OPCML: variants seen among roughly 807,000 people sequenced by gnomAD.
OPCML encodes the protein opioid binding protein/cell adhesion molecule like.
OPCML carries 13 observed loss-of-function variants against 37.8 expected under a neutral mutation model. The observed-to-expected ratio is 0.34, with a 90% confidence interval of 0.22 to 0.55. The LOEUF (loss-of-function observed/expected upper bound fraction) is 0.55. OPCML is among the 20% of genes least tolerant of loss of function. OPCML has a pLI of 0.91. For synonymous variants in OPCML, 176 were observed against 168.8 expected, an observed-to-expected ratio of 1.04 and a Z score of -0.33; for missense variants, 341 against 435.6, an observed-to-expected ratio of 0.78 and a Z score of 1.93.
chr11:133,488,217 C>T lies in OPCML; in HGVS notation c.61+44047G>A, dbSNP rs76592991. Among the ~76,000 whole-genome samples the T allele has an allele frequency of 4.6e-5, 7 of 152,028 alleles. No individual in the cohort carries two copies. In the East Asian group the frequency reaches 1.2e-3, roughly 25 times the overall value. The stretch of plus-strand genomic sequence containing the variant: ...AAGAAATGGAACAAGACAAAGATAC[C>T]CACTTTTATCATTTCTATTCTCCAT... On this transcript the variant is annotated intron_variant, in intron 1 of 7. Transcript: ENST00000524381.
intron 2 of OPCML, among the ~76,000 whole-genome samples, chr11:132,830,572 G>A (rs374518208): frequency 1.3e-5 from 2 of 152,102 alleles, no homozygotes; most frequent in African/African-American, 4.8e-5. Flanking sequence ...TCTTTCCTCT[G>A]CAAATATCAG....
intron 1 of OPCML, among the ~76,000 whole-genome samples, chr11:132,955,366 C>T (rs1945954738): frequency 6.6e-6 from 1 of 152,048 alleles, no homozygotes; most frequent in Admixed American, 6.6e-5. Flanking sequence ...CCTCTCTGGA[C>T]CCATTCAGAT....
chr11:132,515,216 C>T (rs912412986), intron 4 of OPCML, among the ~76,000 whole-genome samples: 1 of 152,016 alleles, frequency 6.6e-6, no homozygotes, highest in Non-Finnish European at 1.5e-5. Context: ...TTTCAGCACC[C>T]CAGGAGGATT....
intron 2 of OPCML, among the ~76,000 whole-genome samples, chr11:132,922,672 C>T (rs1224937619): frequency 6.6e-6 from 1 of 152,108 alleles, no homozygotes; most frequent in Non-Finnish European, 1.5e-5. Context: ...GTTTTTGGTA[C>T]ATTTTAACAA....
chr11:132,563,792 A>T (rs1393596698), intron 3 of OPCML, among the ~76,000 whole-genome samples: 2 of 143,664 alleles, frequency 1.4e-5, no homozygotes, highest in Non-Finnish European at 3.0e-5. Context: ...TTAAAAAAAC[A>T]ACGAAAACAA....
At chr11:132,669,499 G>T (rs1942365589) in intron 2 of OPCML, among the ~76,000 whole-genome samples, 1 of 152,138 alleles carries the variant, frequency 6.6e-6, no homozygotes, top group Non-Finnish European at 1.5e-5. Context: ...TCAGTAATGG[G>T]GCTGCATCTT....
At chr11:133,283,096 G>C (rs1942203248) in intron 1 of OPCML, among the ~76,000 whole-genome samples, 1 of 152,162 alleles carries the variant, frequency 6.6e-6, no homozygotes, top group African/African-American at 2.4e-5. Context: ...GGACTGTTGG[G>C]AAGAGGTGAC....
At position 132,863,618 on chromosome 11, in the gene OPCML, G is replaced by A. The variant is rs542385570; in HGVS notation, c.146+79308C>T. Among the ~76,000 whole-genome samples the A allele has an allele frequency of 9.9e-5, 15 of 152,262 alleles. No individual in the cohort carries two copies. The South Asian group carries it at 3.1e-3, about 32-fold the overall frequency. ...TCAGAACACGTTTTCTCCAAAGTCG[G>A]CCATCCAACCTAAAACTATGACTCT... On this transcript the variant is annotated intron_variant, in intron 2 of 7. Coordinates refer to ENST00000524381, the MANE Select transcript of OPCML (RefSeq NM_001012393.5).
intron 1 of OPCML, among the ~76,000 whole-genome samples, chr11:133,235,367 A>G (rs1940466730): frequency 6.6e-6 from 1 of 152,142 alleles, no homozygotes; most frequent in East Asian, 1.9e-4. Flanking sequence ...GAGGCAGTTG[A>G]TTATTTATGT....
chr11:132,676,977 A>T (rs1942739351), intron 2 of OPCML, among the ~76,000 whole-genome samples: 1 of 152,064 alleles, frequency 6.6e-6, no homozygotes, highest in Non-Finnish European at 1.5e-5. Flanking sequence ...CACATTTGAT[A>T]TAATCATCTA....
intron 1 of OPCML, among the ~76,000 whole-genome samples, chr11:133,154,942 T>A (rs1366403066): frequency 6.6e-6 from 1 of 152,212 alleles, no homozygotes; most frequent in African/African-American, 2.4e-5. Context: ...GCTTGTGTCT[T>A]TCCAGAAGAG....
intron 2 of OPCML, among the ~76,000 whole-genome samples, chr11:132,782,910 A>T (rs61906870): frequency 1.7e-5 from 2 of 115,440 alleles, no homozygotes; most frequent in East Asian, 2.2e-4. Context: ...ATATATATAT[A>T]GTGTGTGTAT....
chr11:132,770,681 A>G (rs781213799), intron 2 of OPCML, among the ~76,000 whole-genome samples: 10 of 152,072 alleles, frequency 6.6e-5, no homozygotes, highest in Admixed American at 2.6e-4. Context: ...TCTGCTCCTC[A>G]TTGTGCCATT....
At chr11:133,008,271 A>G (rs749545062) in intron 1 of OPCML, 61 of 985,326 alleles carry the variant, frequency 6.2e-5, no homozygotes, top group Non-Finnish European at 7.0e-5. Context: ...GGTGAATCAT[A>G]GAGAGTTGAC....
At chr11:133,308,038 A>G (rs1942970992) in intron 1 of OPCML, among the ~76,000 whole-genome samples, 1 of 152,186 alleles carries the variant, frequency 6.6e-6, no homozygotes, top group Admixed American at 6.5e-5. Context: ...CAGATTGTGA[A>G]GAACTTTATA....
At chr11:132,994,391 A>G (rs926170530) in intron 1 of OPCML, among the ~76,000 whole-genome samples, 1 of 152,172 alleles carries the variant, frequency 6.6e-6, no homozygotes, top group Admixed American at 6.5e-5. Flanking sequence ...CCTAGGAGAG[A>G]AGAGGGAAGG....
intron 1 of OPCML, among the ~76,000 whole-genome samples, chr11:133,512,235 G>A (rs949767965): frequency 6.6e-6 from 1 of 152,198 alleles, no homozygotes; most frequent in East Asian, 1.9e-4. Context: ...TTTGATTAGC[G>A]TTCTAGATTC....
intron 2 of OPCML, among the ~76,000 whole-genome samples, chr11:132,708,938 C>A (rs1257960323): frequency 2.0e-5 from 3 of 152,224 alleles, no homozygotes; most frequent in Admixed American, 6.5e-5. Context: ...ATGGAATGGC[C>A]ATCCCTCAGT....
At chr11:133,257,838 GTCTT>G (rs1487655318) in intron 1 of OPCML, among the ~76,000 whole-genome samples, 1 of 148,062 alleles carries the variant, frequency 6.8e-6, no homozygotes, top group Non-Finnish European at 1.5e-5. Context: ...CGCCTTCCTT[GTCTT>G]TCTATCTTTT....
Sources: allele counts gnomAD v4.1 joint callset (sites outside exome capture counted in the v4.1 genomes callset), GRCh38; gene constraint gnomAD v4.1.1; transcripts MANE v1.5; gene names NCBI Gene and HGNC (gene_info 2026-07-23, HGNC 2026-07-21).